TEX9: variants seen among roughly 807,000 people sequenced by gnomAD.
TEX9 encodes the protein testis-expressed protein 9.
TEX9 carries 74 observed loss-of-function variants against 59.6 expected under a neutral mutation model. That is an observed-to-expected ratio of 1.24 (90% CI 1.03 to 1.51). The LOEUF is 1.51. Among genes scored for constraint, TEX9 ranks in the 40% most tolerant of loss-of-function variants. TEX9 has a pLI of 0.00. For synonymous variants in TEX9, 186 were observed against 152.2 expected (o/e 1.22, Z -1.64); for missense variants, 522 against 447.8 (o/e 1.17, Z -1.49).
intron 1 of TEX9, among the ~76,000 whole-genome samples, chr15:56,324,976 A>G (rs146927347): frequency 1.3e-5 from 2 of 152,318 alleles, no homozygotes; most frequent in East Asian, 3.9e-4. Context: ...GGAAAAGACC[A>G]ATAGTTCTTA....
intron 9 of TEX9, chr15:56,396,179 T>A (rs187027141): frequency 1.8e-4 from 28 of 152,328 alleles, no homozygotes; most frequent in Admixed American, 8.5e-4. Flanking sequence ...TAAGAAAATG[T>A]GCCCCCTTTA....
intron 1 of TEX9, among the ~76,000 whole-genome samples, chr15:56,246,234 G>C (rs1348994116): frequency 3.3e-5 from 5 of 152,186 alleles, no homozygotes; most frequent in Non-Finnish European, 7.4e-5. Flanking sequence ...CTCTAGCGGC[G>C]GTGCTGACCG....
chr15:56,297,663 C>T (rs1447896953), intron 1 of TEX9, among the ~76,000 whole-genome samples: 1 of 152,228 alleles, frequency 6.6e-6, no homozygotes, highest in Non-Finnish European at 1.5e-5. Flanking sequence ...AGCCACCACG[C>T]CCAGCTAATT....
intron 4 of TEX9, among the ~76,000 whole-genome samples, chr15:56,387,609 G>A (rs941588198): frequency 1.3e-5 from 2 of 151,898 alleles, no homozygotes; most frequent in Non-Finnish European, 2.9e-5. Context: ...GTTCTCAGGG[G>A]ATATAGTGGA....
intron 8 of TEX9, 93 bp downstream of exon 8, chr15:56,394,340 T>C (rs1410081652): frequency 9.1e-7 from 1 of 1,099,822 alleles, no homozygotes; most frequent in African/African-American, 1.6e-5. Context: ...TATTTAGATA[T>C]AAATCATAGT....
chr15:56,279,256 A>C (rs947266870), intron 1 of TEX9, among the ~76,000 whole-genome samples: 4 of 152,192 alleles, frequency 2.6e-5, no homozygotes, highest in African/African-American at 9.6e-5. Context: ...TACTTTGTTG[A>C]GAAGAGCTAG....
At chr15:56,426,131 T>C (rs150572332) in intron 10 of TEX9, among the ~76,000 whole-genome samples, 1 of 152,266 alleles carries the variant, frequency 6.6e-6, no homozygotes, top group East Asian at 1.9e-4. Flanking sequence ...CAACCACCTG[T>C]TTCCGCAGCT....
intron 2 of TEX9, among the ~76,000 whole-genome samples, chr15:56,372,214 C>T (rs1357525559): frequency 6.6e-6 from 1 of 152,108 alleles, no homozygotes; most frequent in Non-Finnish European, 1.5e-5. Flanking sequence ...TTAAAGGCAC[C>T]TTTAAGTCTT....
At chr15:56,392,126 C>T (rs1252811331) in intron 7 of TEX9, among the ~76,000 whole-genome samples, 1 of 152,076 alleles carries the variant, frequency 6.6e-6, no homozygotes, top group Admixed American at 6.6e-5. Context: ...TCTGTAATAG[C>T]AGTTTATTCA....
chr15:56,363,805 C>G (rs1159522919), upstream of TEX9, among the ~76,000 whole-genome samples: 1 of 151,560 alleles, frequency 6.6e-6, no homozygotes, highest in Non-Finnish European at 1.5e-5. Flanking sequence ...GTTGGGACTA[C>G]AGGCATGTAC....
intron 1 of TEX9, among the ~76,000 whole-genome samples, chr15:56,344,570 G>T (rs984892093): frequency 2.0e-5 from 3 of 152,086 alleles, no homozygotes; most frequent in Non-Finnish European, 2.9e-5. Flanking sequence ...TAATAAAAAT[G>T]TTCTAAAATT....
At chr15:56,287,496 A>G (rs1013765943) in intron 1 of TEX9, among the ~76,000 whole-genome samples, 1 of 152,204 alleles carries the variant, frequency 6.6e-6, no homozygotes, top group Non-Finnish European at 1.5e-5. Flanking sequence ...AAACAAAGCT[A>G]TTTAACATCG....
chr15:56,365,314 C>T, upstream of TEX9: 1 of 1,226,088 alleles, frequency 8.2e-7, no homozygotes, highest in Non-Finnish European at 1.1e-6. Flanking sequence ...GAGCCCGCTG[C>T]CAGAGGCTCG....
chr15:56,269,412 T>A (rs1167056186), intron 1 of TEX9, among the ~76,000 whole-genome samples: 1 of 152,166 alleles, frequency 6.6e-6, no homozygotes, highest in Non-Finnish European at 1.5e-5. Flanking sequence ...AATTGTGATG[T>A]TAGGGTGTCG....
chr15:56,263,806 T>A (rs1449322815), intron 1 of TEX9, among the ~76,000 whole-genome samples: 1 of 152,274 alleles, frequency 6.6e-6, no homozygotes, highest in African/African-American at 2.4e-5. Flanking sequence ...CGATATAATA[T>A]GAAGCATTTT....
chr15:56,264,363 C>T (rs1430678912), intron 1 of TEX9, among the ~76,000 whole-genome samples: 3 of 152,162 alleles, frequency 2.0e-5, no homozygotes, highest in Non-Finnish European at 2.9e-5. Context: ...CCCTATATGT[C>T]ATCCACATGC....
chr15:56,393,035 C>G (rs540229083), intron 7 of TEX9, among the ~76,000 whole-genome samples: 3 of 152,064 alleles, frequency 2.0e-5, no homozygotes, highest in Non-Finnish European at 2.9e-5. Flanking sequence ...AAGCTAGGGT[C>G]GAGTGGGGAG....
At chr15:56,334,143 AC>A (rs2046213209) in intron 1 of TEX9, among the ~76,000 whole-genome samples, 1 of 152,196 alleles carries the variant, frequency 6.6e-6, no homozygotes, top group African/African-American at 2.4e-5. Context: ...GACATTCTTC[AC>A]AGAAACAAAA....
In TEX9 at chr15:56,365,500, G is replaced by T. The variant is rs531471887; in HGVS notation, c.27+23G>T. The T allele has an allele frequency of 6.1e-4, 988 of 1,614,190 alleles. 17 individuals carry two copies. In the South Asian group the frequency reaches 0.01, roughly 17 times the overall value. On this transcript the variant is annotated intron_variant, in intron 1 of 12. Transcript: ENST00000352903. ...ACGGTCAGTTCAACTCCAGGCTCCT[G>T]GGGAGCGTCTGGGTTCCGGCGACTA...
Sources: gnomAD v4.1 joint callset for allele counts (sites outside exome capture counted in the v4.1 genomes callset) on GRCh38, gnomAD v4.1.1 for gene constraint, MANE v1.5 for transcripts, NCBI Gene and HGNC (gene_info 2026-07-23, HGNC 2026-07-21) for gene names.